GLIS3: variants seen among roughly 807,000 people sequenced by gnomAD.
The protein encoded by GLIS3 is zinc finger protein GLIS3.
In GLIS3, 53 loss-of-function variants were observed where a neutral mutation model predicts 78.6. The observed-to-expected ratio is 0.67, with a 90% confidence interval of 0.54 to 0.85. The LOEUF is 0.85. GLIS3 is among the 40% of genes least tolerant of loss of function. GLIS3 has a pLI of 0.00. For missense variants in GLIS3, 1,703 were observed against 1,231.1 expected, an observed-to-expected ratio of 1.38 and a Z score of -5.74; for synonymous variants, 684 against 509.9, an observed-to-expected ratio of 1.34 and a Z score of -4.60.
chr9:4,440,778 T>C, the GLIS3 span, among the ~76,000 whole-genome samples: 2 of 152,212 alleles, frequency 1.3e-5, no homozygotes, highest in Admixed American at 1.3e-4. Context: ...TATTAATTCT[T>C]CTAATTCATG....
In GLIS3 at chr9:3,826,129, C is replaced by A. The variant is rs529533457; in HGVS notation, c.*2143G>T. The stretch of plus-strand genomic sequence containing the variant: ...TTTTAAATTACATAAAGCCAAAAGG[C>A]AGGGCTGACAATGTCAACTGCAATA... On this transcript the variant is annotated 3_prime_UTR_variant, in exon 11 of 11. Transcript: ENST00000381971. 2 of 152,322 alleles carry A rather than the reference C, an allele frequency of 1.3e-5. No individual in the cohort carries two copies. Among genetic ancestry groups the A allele is most frequent in the East Asian group, 3.9e-4 (2 of 5,194 alleles). The allele number at this position is 152,322 out of a possible 1,614,324, so 9.4% of individuals were successfully genotyped here.
At chr9:4,423,054 A>G in the GLIS3 span, among the ~76,000 whole-genome samples, 1 of 152,090 alleles carries the variant, frequency 6.6e-6, no homozygotes, top group Admixed American at 6.6e-5. Context: ...CAGTGGGGAC[A>G]TGGATCGAGT....
chr9:4,167,993 G>T (rs920273573), intron 2 of GLIS3, among the ~76,000 whole-genome samples: 1 of 152,234 alleles, frequency 6.6e-6, no homozygotes, highest in African/African-American at 2.4e-5. Flanking sequence ...AGGAACCACA[G>T]GAGGAGCACC....
At chr9:4,336,276 T>C (rs1164297319) in intron 2 of GLIS3, among the ~76,000 whole-genome samples, 1 of 152,246 alleles carries the variant, frequency 6.6e-6, no homozygotes, top group East Asian at 1.9e-4. Context: ...TCCTCTTCTT[T>C]AGCTCTGAAT....
chr9:4,419,940 T>C, the GLIS3 span, among the ~76,000 whole-genome samples: 1 of 151,940 alleles, frequency 6.6e-6, no homozygotes, highest in African/African-American at 2.4e-5. Flanking sequence ...TAATTGAACA[T>C]GAGATTTGAG....
chr9:4,107,256 C>T (rs1203291436), intron 4 of GLIS3, among the ~76,000 whole-genome samples: 1 of 152,116 alleles, frequency 6.6e-6, no homozygotes, highest in Non-Finnish European at 1.5e-5. Context: ...AGATACTATA[C>T]TCTGTGTTCA....
chr9:4,361,188 T>C, the GLIS3 span, among the ~76,000 whole-genome samples: 2 of 152,190 alleles, frequency 1.3e-5, no homozygotes, highest in Admixed American at 6.5e-5. Context: ...CTGTCCTCTG[T>C]AGAAAGGAGC....
rs546565026 is a variant in GLIS3 at position 3,992,677 on chromosome 9, A to T, written c.1711-55488T>A. Reference sequence around the variant, plus strand: ...TTTCAACTTTTGACAATTTTTTAAAAATTTTCATCGTAAGAGTAAAAACAA... The same window carrying T: ...TTTCAACTTTTGACAATTTTTTAAATATTTTCATCGTAAGAGTAAAAACAA... On this transcript the variant is annotated intron_variant, in intron 4 of 10. Transcript: ENST00000381971. Among the ~76,000 whole-genome samples, 5 of 152,326 alleles carry T rather than the reference A, an allele frequency of 3.3e-5. No homozygotes were observed. In the South Asian group the frequency reaches 1.0e-3, roughly 32 times the overall value.
chr9:4,025,934 A>AG (rs1823299935), intron 4 of GLIS3, among the ~76,000 whole-genome samples: 1 of 152,210 alleles, frequency 6.6e-6, no homozygotes, highest in Non-Finnish European at 1.5e-5. Context: ...ATAGAGAAAG[A>AG]GACCTGGGTT....
At chr9:4,174,871 G>C (rs1454130641) in intron 2 of GLIS3, among the ~76,000 whole-genome samples, 1 of 152,148 alleles carries the variant, frequency 6.6e-6, no homozygotes, top group African/African-American at 2.4e-5. Flanking sequence ...TTTAATTTTA[G>C]TTTATTCCAA....
At chr9:4,357,423 G>T in the GLIS3 span, among the ~76,000 whole-genome samples, 9 of 152,090 alleles carry the variant, frequency 5.9e-5, no homozygotes, top group Non-Finnish European at 8.8e-5. Flanking sequence ...CTTCAGTTTG[G>T]ACTAGATTTT....
intron 2 of GLIS3, among the ~76,000 whole-genome samples, chr9:4,276,893 C>G (rs1827083869): frequency 6.6e-6 from 1 of 152,144 alleles, no homozygotes; most frequent in Non-Finnish European, 1.5e-5. Context: ...GCTACCTCAA[C>G]TGGAATAATG....
chr9:4,192,198 C>G (rs1040045621), intron 2 of GLIS3, among the ~76,000 whole-genome samples: 1 of 152,144 alleles, frequency 6.6e-6, no homozygotes, highest in Non-Finnish European at 1.5e-5. Flanking sequence ...CCTGCTTTAC[C>G]CACACTAAGC....
chr9:4,388,247 TTAAAAGA>T, the GLIS3 span, among the ~76,000 whole-genome samples: 1 of 152,174 alleles, frequency 6.6e-6, no homozygotes, highest in Non-Finnish European at 1.5e-5. Flanking sequence ...GCAAAAAATA[TTAAAAGA>T]TAAGAGTTTC....
rs148679668 is a variant in GLIS3 at position 4,270,888 on chromosome 9, GGTGTGTGTGTGTGTGTGTGTGTGTGTGT to G, written c.388+15122_388+15149del. Among the ~76,000 whole-genome samples, 15 of 147,020 alleles carry G rather than the reference GGTGTGTGTGTGTGTGTGTGTGTGTGTGT, an allele frequency of 1.0e-4. 1 individual carries two copies. Among genetic ancestry groups the G allele is most frequent in the African/African-American group, 3.2e-4 (13 of 40,036 alleles). On this transcript the variant is annotated intron_variant, in intron 2 of 10. Coordinates refer to ENST00000381971, the MANE Select transcript of GLIS3 (RefSeq NM_001042413.2). The stretch of plus-strand genomic sequence containing the variant: ...AATCAATCTCTCTCTCAATCTGTGT[GGTGTGTGTGTGTGTGTGTGTGTGTGTGT>G]GTGTGTGTGTGTGTGTGTATACACA...
intron 8 of GLIS3, among the ~76,000 whole-genome samples, chr9:3,858,739 C>G (rs1295217878): frequency 6.6e-6 from 1 of 152,018 alleles, no homozygotes; most frequent in East Asian, 1.9e-4. Context: ...AACTTTTATA[C>G]ATGTAGAGAA....
At position 4,134,379 on chromosome 9, in the gene GLIS3, A is replaced by T. The variant is rs576595571; in HGVS notation, c.389-8438T>A. On this transcript the variant is annotated intron_variant, in intron 2 of 10. Coordinates refer to ENST00000381971, the MANE Select transcript of GLIS3 (RefSeq NM_001042413.2). Reference sequence around the variant, plus strand: ...AGTCTTACACCTCCTTCAAAAGCAAATAAGTCCCAGATGCTATTGGAAAAT... The same window carrying T: ...AGTCTTACACCTCCTTCAAAAGCAATTAAGTCCCAGATGCTATTGGAAAAT... Among the ~76,000 whole-genome samples, 5 of 152,324 alleles carry T rather than the reference A, an allele frequency of 3.3e-5. No individual in the cohort carries two copies. The East Asian group carries it at 7.7e-4, about 23-fold the overall frequency.
chr9:4,337,088 G>C (rs1047139771), intron 2 of GLIS3, among the ~76,000 whole-genome samples: 15 of 152,340 alleles, frequency 9.8e-5, no homozygotes, highest in Admixed American at 3.9e-4. Flanking sequence ...AATACTCAGA[G>C]TTGGTAGTGT....
chr9:3,971,636 C>T (rs1350409470), intron 4 of GLIS3, among the ~76,000 whole-genome samples: 7 of 152,122 alleles, frequency 4.6e-5, no homozygotes, highest in South Asian at 2.1e-4. Context: ...AACTAACCCA[C>T]GGTACACACA....
Sources: gnomAD v4.1 joint callset for allele counts (sites outside exome capture counted in the v4.1 genomes callset) on GRCh38, gnomAD v4.1.1 for gene constraint, MANE v1.5 for transcripts, NCBI Gene and HGNC (gene_info 2026-07-23, HGNC 2026-07-21) for gene names.